Variants in ELP4 observed in about 807,000 individuals in gnomAD.
ELP4 encodes elongator complex protein 4.
Under a neutral mutation model 48.9 loss-of-function variants are expected in ELP4, and 51 were observed. The observed-to-expected ratio is 1.04, with a 90% CI of 0.83 to 1.32. The LOEUF (loss-of-function observed/expected upper bound fraction) is 1.32, where lower values mean the gene tolerates loss of function less well. ELP4 is among the 40% of genes most tolerant of loss of function. The pLI, the probability that ELP4 is intolerant of heterozygous loss-of-function variation, is 0.00. For synonymous variants in ELP4, 210 were observed against 189.2 expected (o/e 1.11, Z -0.90); for missense variants, 519 against 514.6 (o/e 1.01, Z -0.08).
intron 9 of ELP4, among the ~76,000 whole-genome samples, chr11:31,743,469 T>C (rs1947505809): frequency 6.6e-6 from 1 of 152,166 alleles, no homozygotes; most frequent in Non-Finnish European, 1.5e-5. Flanking sequence ...ACACCACACC[T>C]ACTCCAAAAT....
At chr11:31,555,197 A>C (rs1249255903) in intron 3 of ELP4, among the ~76,000 whole-genome samples, 1 of 152,084 alleles carries the variant, frequency 6.6e-6, no homozygotes, top group Non-Finnish European at 1.5e-5. Flanking sequence ...ATGTACTATC[A>C]AGGATTTGTA....
At chr11:31,557,621 T>C (rs1956951306) in intron 3 of ELP4, among the ~76,000 whole-genome samples, 1 of 152,036 alleles carries the variant, frequency 6.6e-6, no homozygotes. Context: ...CAGGTGCAAC[T>C]ATTGTTTTCC....
intron 3 of ELP4, among the ~76,000 whole-genome samples, chr11:31,570,162 A>G (rs1176291244): frequency 6.6e-6 from 1 of 152,250 alleles, no homozygotes; most frequent in African/African-American, 2.4e-5. Context: ...CATATATACC[A>G]TGGAATACTA....
chr11:31,777,878 A>G (rs1244053194), intron 9 of ELP4, among the ~76,000 whole-genome samples: 7 of 152,204 alleles, frequency 4.6e-5, no homozygotes, highest in Admixed American at 4.6e-4. Context: ...GTGTCTCTGT[A>G]TTATAGCTAC....
chr11:31,547,541 G>C (rs538699687), intron 3 of ELP4, among the ~76,000 whole-genome samples: 3 of 152,056 alleles, frequency 2.0e-5, no homozygotes, highest in African/African-American at 7.2e-5. Flanking sequence ...ATTCACAGCC[G>C]AATTCTACCA....
At chr11:31,647,884 C>A in intron 8 of ELP4, 35 bp downstream of exon 8, 1 of 1,285,758 alleles carries the variant, frequency 7.8e-7, no homozygotes, top group Non-Finnish European at 1.1e-6. Flanking sequence ...AGAGCAGGAG[C>A]AGGCTGCTTC....
intron 9 of ELP4, among the ~76,000 whole-genome samples, chr11:31,773,321 T>A (rs1232524852): frequency 6.6e-6 from 1 of 152,088 alleles, no homozygotes; most frequent in South Asian, 2.1e-4. Flanking sequence ...GAGGGAAAGT[T>A]TATAGAAGAA....
At chr11:31,517,810 G>C (rs529878258) in intron 1 of ELP4, among the ~76,000 whole-genome samples, 30 of 151,924 alleles carry the variant, frequency 2.0e-4, no homozygotes, top group African/African-American at 6.8e-4. Context: ...AGTAGAGACT[G>C]GATTTCACTA....
At chr11:31,523,995 C>T (rs1288423767) in intron 2 of ELP4, among the ~76,000 whole-genome samples, 1 of 151,524 alleles carries the variant, frequency 6.6e-6, no homozygotes, top group African/African-American at 2.4e-5. Flanking sequence ...AAGTTGTCAC[C>T]TATTAAAATA....
chr11:31,578,252 T>C (rs1421760826), intron 3 of ELP4, among the ~76,000 whole-genome samples: 2 of 152,130 alleles, frequency 1.3e-5, no homozygotes, highest in Non-Finnish European at 2.9e-5. Flanking sequence ...AAGGACCTCT[T>C]CAAGGAGAAC....
rs756522590 is a variant in ELP4, at chr11:31,714,418, A to G, written c.1143+64197A>G. On this transcript the variant is annotated intron_variant, in intron 9 of 9. Transcript: ENST00000640961. ...TAATGACTCTGCAGTGATGTTTACT[A>G]TATTTCATTTTACTTCTTCCAGTAC... is the stretch of plus-strand genomic sequence containing the variant. Among the ~76,000 whole-genome samples, 3 of 152,186 alleles carry G rather than the reference A, an allele frequency of 2.0e-5. No homozygotes were observed. The East Asian group carries it at 5.8e-4, about 29-fold the overall frequency.
rs187043231 is a variant in ELP4, at chr11:31,668,366, A to G, written c.1143+18145A>G. 2.0e-3 allele frequency among the ~76,000 whole-genome samples: 308 copies of G among 152,208 alleles called. No individual in the cohort carries two copies. In the Middle Eastern group the frequency reaches 0.02, roughly 10 times the overall value. Reference sequence around the variant, plus strand: ...GCAAAATTATTATATTCCTCAGACTACTTTTTTACACTGCTCCTGTGACAG... The same window carrying G: ...GCAAAATTATTATATTCCTCAGACTGCTTTTTTACACTGCTCCTGTGACAG... On this transcript the variant is annotated intron_variant, in intron 9 of 9. Coordinates refer to ENST00000640961, the MANE Select transcript of ELP4 (RefSeq NM_019040.5).
chr11:31,586,213 G>A (rs544070950), intron 3 of ELP4, among the ~76,000 whole-genome samples: 7 of 152,158 alleles, frequency 4.6e-5, no homozygotes, highest in Admixed American at 6.5e-5. Flanking sequence ...TGTTTACTGC[G>A]TGAAGTTTTA....
intron 9 of ELP4, among the ~76,000 whole-genome samples, chr11:31,673,794 A>G (rs1211334544): frequency 3.9e-5 from 6 of 152,364 alleles, no homozygotes; most frequent in African/African-American, 1.2e-4. Context: ...ATGTTTAAAC[A>G]TGCTAAATTT....
chr11:31,617,022 A>G (rs1944500320), intron 5 of ELP4, among the ~76,000 whole-genome samples: 1 of 152,076 alleles, frequency 6.6e-6, no homozygotes, highest in Admixed American at 6.6e-5. Context: ...ACAGCATGGC[A>G]GTTTCTCAAA....
At chr11:31,539,527 C>A (rs564424627) in intron 2 of ELP4, 135 bp from the exon 3 acceptor site, 1 of 735,858 alleles carries the variant, frequency 1.4e-6, no homozygotes, top group Non-Finnish European at 2.1e-6. Context: ...CTCAGGAATA[C>A]GCAGTTTTTG....
At chr11:31,525,920 A>T (rs1056840494) in intron 2 of ELP4, among the ~76,000 whole-genome samples, 1 of 152,000 alleles carries the variant, frequency 6.6e-6, no homozygotes, top group Non-Finnish European at 1.5e-5. Flanking sequence ...AATACTCCGT[A>T]TTTTTCTCTT....
intron 9 of ELP4, among the ~76,000 whole-genome samples, chr11:31,669,485 T>C (rs1945759756): frequency 6.6e-6 from 1 of 152,178 alleles, no homozygotes; most frequent in Admixed American, 6.6e-5. Flanking sequence ...TAAAATGATT[T>C]TTCTGATTCT....
chr11:31,646,339 A>T (rs1247521224), intron 7 of ELP4: 1 of 151,836 alleles, frequency 6.6e-6, no homozygotes, highest in East Asian at 1.9e-4. Flanking sequence ...ATGCTGAAAC[A>T]TTCTTTATAT....
Sources: allele counts gnomAD v4.1 joint callset (sites outside exome capture counted in the v4.1 genomes callset), GRCh38; gene constraint gnomAD v4.1.1; transcripts MANE v1.5; gene names NCBI Gene and HGNC (gene_info 2026-07-23, HGNC 2026-07-21).